The following ADCY3 variants were observed in gnomAD, a reference collection of about 807,000 sequenced individuals.
ADCY3 encodes the protein adenylate cyclase 3.
A neutral mutation model predicts 119.4 loss-of-function variants in ADCY3; 70 were observed. The observed-to-expected ratio is 0.59, with a 90% CI of 0.48 to 0.72. The LOEUF is 0.72. Among genes scored for constraint, ADCY3 ranks in the 30% least tolerant of loss-of-function variants. The pLI is 0.00. For missense variants in ADCY3, 1,238 were observed against 1,541.6 expected (o/e 0.80, Z 3.30); for synonymous variants, 672 against 621.4 (o/e 1.08, Z -1.21).
intron 2 of ADCY3, among the ~76,000 whole-genome samples, chr2:24,889,945 A>G (rs1347507510): frequency 6.6e-6 from 1 of 152,256 alleles, no homozygotes; most frequent in African/African-American, 2.4e-5. Context: ...TTTCTCTATT[A>G]AATATGATGT....
At chr2:24,837,095 C>T (rs758297231) in intron 8 of ADCY3, 50 bp from the exon 9 acceptor site, 7 of 1,599,908 alleles carry the variant, frequency 4.4e-6, no homozygotes, top group South Asian at 3.4e-5. Flanking sequence ...ATGAGAGTGG[C>T]GTGGACAGGT....
chr2:24,820,946 A>G (rs967751397), intron 20 of ADCY3, 98 bp from the exon 21 acceptor site: 2 of 1,493,150 alleles, frequency 1.3e-6, no homozygotes, highest in Non-Finnish European at 1.8e-6. Context: ...CAAAGCTCCT[A>G]ATGTAACACA....
At chr2:24,877,139 T>C (rs1441734247) in intron 2 of ADCY3, among the ~76,000 whole-genome samples, 1 of 152,232 alleles carries the variant, frequency 6.6e-6, no homozygotes, top group Non-Finnish European at 1.5e-5. Flanking sequence ...CACATGGCCC[T>C]GCCACTGTGT....
At chr2:24,822,473 G>A (rs373993570) in intron 19 of ADCY3, 38 bp downstream of exon 19, 1 of 1,604,938 alleles carries the variant, frequency 6.2e-7, no homozygotes, top group Non-Finnish European at 8.5e-7. Context: ...TTGCCTTGGG[G>A]GCAGAGCCTC....
In ADCY3 at chr2:24,906,281, T is replaced by C. The variant is rs535288026; in HGVS notation, c.675+12032A>G. ...GAGATGATGCCACTGCACTCCAGCC[T>C]AGGCGAGAGAGTGAGACTGTTTAAA... On this transcript the variant is annotated intron_variant, in intron 2 of 21. Transcript: ENST00000679454. 2.6e-3 allele frequency among the ~76,000 whole-genome samples: 360 copies of C among 140,754 alleles called. 1 individual carries two copies. Among genetic ancestry groups the C allele is most frequent in the African/African-American group, 0.01 (352 of 34,372 alleles). 92.3% of individuals were successfully genotyped at this position (140,754 alleles called of 152,430 possible). A position where few individuals can be genotyped will look rare whatever the true frequency, so the allele number is the denominator to read the frequency against.
rs565883101 is a variant in ADCY3, at chr2:24,898,266, C to T, written c.675+20047G>A. Reference sequence around the variant, plus strand: ...TTTCTCTCCACTCTCCCAGTTCGTGCGCCACAGAGGCCCCCGGGGAGGCTC... The same window carrying T: ...TTTCTCTCCACTCTCCCAGTTCGTGTGCCACAGAGGCCCCCGGGGAGGCTC... On this transcript the variant is annotated intron_variant, in intron 2 of 21. Coordinates refer to ENST00000679454, the MANE Select transcript of ADCY3 (RefSeq NM_004036.5). The surrounding 1 kb of genome is among the most constrained non-coding windows in gnomAD (Gnocchi z 4.3). 3.9e-5 allele frequency among the ~76,000 whole-genome samples: 6 copies of T among 152,242 alleles called. No individual in the cohort carries two copies. Among genetic ancestry groups the T allele is most frequent in the Middle Eastern group, 3.4e-3 (1 of 294 alleles).
intron 2 of ADCY3, among the ~76,000 whole-genome samples, chr2:24,873,863 C>A (rs974991502): frequency 2.0e-5 from 3 of 152,190 alleles, no homozygotes; most frequent in Non-Finnish European, 4.4e-5. Flanking sequence ...TTCTCGGAAC[C>A]GAGTTTGGAG....
chr2:24,832,755 C>T (rs1440830627), intron 11 of ADCY3, among the ~76,000 whole-genome samples: 1 of 152,198 alleles, frequency 6.6e-6, no homozygotes, highest in African/African-American at 2.4e-5. Context: ...CGTCTCCAAC[C>T]CCACCCGCCC....
intron 15 of ADCY3, 80 bp downstream of exon 15, chr2:24,827,466 C>T (rs971041359): frequency 2.1e-5 from 31 of 1,492,580 alleles, no homozygotes; most frequent in Middle Eastern, 1.7e-4. Flanking sequence ...GGTGAGATCC[C>T]GGGGCTTGGG....
chr2:24,827,024 T>C (rs899798592), intron 15 of ADCY3, among the ~76,000 whole-genome samples: 4 of 152,152 alleles, frequency 2.6e-5, no homozygotes, highest in African/African-American at 9.7e-5. Context: ...CCATTTAGAG[T>C]TCTTCTTTTG....
intron 2 of ADCY3, among the ~76,000 whole-genome samples, chr2:24,887,386 T>C (rs1347739212): frequency 6.6e-6 from 1 of 152,058 alleles, no homozygotes; most frequent in Non-Finnish European, 1.5e-5. Context: ...TCACTTACTC[T>C]CTCTAGCCTT....
At chr2:24,869,361 A>C (rs1674691308) in intron 3 of ADCY3, among the ~76,000 whole-genome samples, 1 of 152,148 alleles carries the variant, frequency 6.6e-6, no homozygotes, top group Non-Finnish European at 1.5e-5. Context: ...TCCCCTAAAG[A>C]ACACTCCAGG....
intron 7 of ADCY3, 39 bp from the exon 8 acceptor site, chr2:24,838,661 G>A (rs553886513): frequency 4.3e-6 from 7 of 1,610,558 alleles, no homozygotes; most frequent in South Asian, 1.1e-5. Flanking sequence ...GTCGGCCAGA[G>A]GTGGCCCTCA....
At chr2:24,821,891 C>T (rs1572772053) in intron 19 of ADCY3, 2 of 450,832 alleles carry the variant, frequency 4.4e-6, no homozygotes, top group East Asian at 4.2e-5. Context: ...GACCACGAGG[C>T]GGACCCCTTC....
Position 24,834,655 on chromosome 2 carries a change from G to A in ADCY3, c.1806-9C>T, listed in dbSNP as rs1558424960. 7.4e-6 allele frequency: 12 copies of A among 1,611,728 alleles called. No homozygotes were observed. Among genetic ancestry groups the A allele is most frequent in the Non-Finnish European group, 9.3e-6 (11 of 1,178,052 alleles). ...TGTTTCTCTTCTTTACTCTGCAGTG[G>A]GAACAAGCCCCATGAATCCCAAATG... is the stretch of plus-strand genomic sequence containing the variant. On this transcript the variant is annotated splice_polypyrimidine_tract_variant and intron_variant, in intron 10 of 21. Coordinates refer to ENST00000679454, the MANE Select transcript of ADCY3 (RefSeq NM_004036.5). The surrounding 1 kb of genome is among the most constrained non-coding windows in gnomAD (Gnocchi z 4.2).
intron 3 of ADCY3, among the ~76,000 whole-genome samples, chr2:24,857,729 C>T (rs1673181676): frequency 1.3e-5 from 2 of 152,156 alleles, no homozygotes; most frequent in Non-Finnish European, 1.5e-5. Flanking sequence ...AAAGCAGACC[C>T]TTTGCATTCT....
rs1442098412 is a variant in ADCY3, at chr2:24,920,111, G to C, written c.-626C>G. On this transcript the variant is annotated 5_prime_UTR_variant, in exon 1 of 22. Transcript: ENST00000679454. The surrounding 1 kb of genome is among the most constrained non-coding windows in gnomAD (Gnocchi z 4.5). ...GCCCTCCCCGGCGGGAGCGCGGGCCGAGCCCGGGGAAGCCCGCCAGCATCC... is the reference window on the plus strand; with the variant it reads ...GCCCTCCCCGGCGGGAGCGCGGGCCCAGCCCGGGGAAGCCCGCCAGCATCC... Among the ~76,000 whole-genome samples the C allele has an allele frequency of 2.7e-5, 4 of 145,990 alleles. No individual in the cohort carries two copies. The highest frequency in any genetic ancestry group is 6.8e-5 in the Admixed American group (1 of 14,718).
chr2:24,854,498 G>A (rs564782329), intron 3 of ADCY3, among the ~76,000 whole-genome samples: 69 of 152,346 alleles, frequency 4.5e-4, no homozygotes, highest in African/African-American at 1.6e-3. Flanking sequence ...CTTTCCAGAA[G>A]GAGAACTTCT....
At chr2:24,891,151 G>A (rs1177949464) in intron 2 of ADCY3, among the ~76,000 whole-genome samples, 1 of 152,156 alleles carries the variant, frequency 6.6e-6, no homozygotes, top group Non-Finnish European at 1.5e-5. Flanking sequence ...TTACAGGCAT[G>A]AGCCACTGCG....
Sources: allele counts gnomAD v4.1 joint callset (sites outside exome capture counted in the v4.1 genomes callset), GRCh38; gene constraint gnomAD v4.1.1; non-coding constraint Gnocchi (gnomAD v3.1); transcripts MANE v1.5; gene names NCBI Gene and HGNC (gene_info 2026-07-23, HGNC 2026-07-21).